DGKI: variants seen among roughly 807,000 people sequenced by gnomAD.
The protein encoded by DGKI is diacylglycerol kinase iota.
DGKI carries 55 observed loss-of-function variants against 147.5 expected under a neutral mutation model. The ratio of observed to expected loss-of-function variants is 0.37; its 90% CI spans 0.30 to 0.47. The LOEUF is 0.47. Among genes scored for constraint, DGKI ranks in the 20% least tolerant of loss-of-function variants. The pLI, the probability that DGKI is intolerant of heterozygous loss-of-function variation, is 1.00. For missense variants in DGKI, 1,007 were observed against 1,323.8 expected, an observed-to-expected ratio of 0.76 and a Z score of 3.71; for synonymous variants, 469 against 477.1, an observed-to-expected ratio of 0.98 and a Z score of 0.22.
chr7:137,427,449 G>C (rs1303588162), intron 28 of DGKI, among the ~76,000 whole-genome samples: 1 of 152,016 alleles, frequency 6.6e-6, no homozygotes, highest in Non-Finnish European at 1.5e-5. Context: ...GAGAAAGCAG[G>C]AAAGATCCAA....
Position 137,382,052 on chromosome 7 carries a change from G to A in DGKI, c.*9168C>T, listed in dbSNP as rs1287268272. On this transcript the variant is annotated 3_prime_UTR_variant, in exon 33 of 33. Coordinates refer to ENST00000614521, the MANE Select transcript of DGKI (RefSeq NM_001321708.2). ...ATCAGGAGCCATTTGGTTGCATATAGAAGGTACAACAAATATCAAGGCTAG... is the reference window on the plus strand; with the variant it reads ...ATCAGGAGCCATTTGGTTGCATATAAAAGGTACAACAAATATCAAGGCTAG... 1 of 152,030 alleles carries A rather than the reference G, an allele frequency of 6.6e-6. No homozygotes were observed. The highest frequency in any genetic ancestry group is 1.5e-5 in the Non-Finnish European group (1 of 67,976). 9.4% of individuals were successfully genotyped at this position (152,030 alleles called of 1,614,324 possible). A position where few individuals can be genotyped will look rare whatever the true frequency, so the allele number is the denominator to read the frequency against.
chr7:137,623,435 T>C (rs770431621), intron 7 of DGKI, 48 bp downstream of exon 7: 1 of 1,552,744 alleles, frequency 6.4e-7, no homozygotes, highest in South Asian at 1.1e-5. Flanking sequence ...CACAAGTGTA[T>C]TTCGACAAAA....
rs565189377 is a variant in DGKI, at chr7:137,567,893, T to C, written c.1947+3282A>G. On this transcript the variant is annotated intron_variant, in intron 19 of 32. Coordinates refer to ENST00000614521, the MANE Select transcript of DGKI (RefSeq NM_001321708.2). ...GCATATGATGTATATATGACATATATTGTATATACGTAATGTCTAGGATTT... is the reference window on the plus strand; with the variant it reads ...GCATATGATGTATATATGACATATACTGTATATACGTAATGTCTAGGATTT... Among the ~76,000 whole-genome samples the C allele has an allele frequency of 1.6e-4, 25 of 152,320 alleles. No homozygotes were observed. The East Asian group carries it at 4.0e-3, about 25-fold the overall frequency.
At chr7:137,516,018 TCAGA>T (rs1318810393) in intron 21 of DGKI, among the ~76,000 whole-genome samples, 1 of 152,078 alleles carries the variant, frequency 6.6e-6, no homozygotes, top group African/African-American at 2.4e-5. Flanking sequence ...ATTTAACTCC[TCAGA>T]CAGATTTCAA....
chr7:137,428,754 AAT>A (rs1812928916), intron 28 of DGKI, among the ~76,000 whole-genome samples: 1 of 152,142 alleles, frequency 6.6e-6, no homozygotes, highest in Admixed American at 6.5e-5. Context: ...CTTATACACC[AAT>A]GACAGACAAA....
chr7:137,673,280 C>T (rs979139629), intron 3 of DGKI, among the ~76,000 whole-genome samples: 1 of 152,134 alleles, frequency 6.6e-6, no homozygotes, highest in Non-Finnish European at 1.5e-5. Flanking sequence ...CCACTACACA[C>T]CAGGTGTGAG....
At chr7:137,508,752 T>C (rs561928542) in intron 21 of DGKI, among the ~76,000 whole-genome samples, 8 of 152,182 alleles carry the variant, frequency 5.3e-5, no homozygotes, top group African/African-American at 1.9e-4. Flanking sequence ...TCTCAGGCTC[T>C]GTGGGTGGGT....
At chr7:137,696,431 CTTTTTTTTTTTTTTTTTTT>C (rs10609322) in intron 1 of DGKI, among the ~76,000 whole-genome samples, 2 of 36,682 alleles carry the variant, frequency 5.5e-5, no homozygotes, top group East Asian at 1.1e-3. Flanking sequence ...GCCCAAAAGA[CTTTTTTTTTTTTTTTTTTT>C]TTTTTTTTTT....
chr7:137,447,977 C>T (rs562826046), intron 27 of DGKI, among the ~76,000 whole-genome samples: 1 of 152,238 alleles, frequency 6.6e-6, no homozygotes, highest in East Asian at 1.9e-4. Flanking sequence ...GAAATACCCT[C>T]TTTGATTAAA....
intron 1 of DGKI, among the ~76,000 whole-genome samples, chr7:137,757,570 G>T (rs113934642): frequency 1.1e-3 from 170 of 152,162 alleles, no homozygotes; most frequent in Non-Finnish European, 2.0e-3. Context: ...CTCCTGACCC[G>T]CTGGAAGGGA....
intron 27 of DGKI, among the ~76,000 whole-genome samples, chr7:137,447,235 AT>A (rs1356629037): frequency 6.6e-6 from 1 of 152,224 alleles, no homozygotes; most frequent in Non-Finnish European, 1.5e-5. Flanking sequence ...GACTCTCTCC[AT>A]TTATGTTGAT....
At chr7:137,561,564 T>G (rs564255508) in intron 19 of DGKI, among the ~76,000 whole-genome samples, 13 of 152,164 alleles carry the variant, frequency 8.5e-5, no homozygotes, top group Admixed American at 2.6e-4. Flanking sequence ...AGGAGGAGGA[T>G]ATTAAATGTT....
At chr7:137,638,637 T>TATATACAC (rs1821496899) in intron 6 of DGKI, among the ~76,000 whole-genome samples, 4 of 10,034 alleles carry the variant, frequency 4.0e-4, no homozygotes, top group Non-Finnish European at 6.8e-4. Context: ...TATGTGTGTA[T>TATATACAC]ATATGTGTAT....
chr7:137,835,139 ATT>A (rs2117084985), intron 1 of DGKI, among the ~76,000 whole-genome samples: 1 of 152,314 alleles, frequency 6.6e-6, no homozygotes, highest in East Asian at 1.9e-4. Context: ...ATACCATGTC[ATT>A]TCAATACCCT....
At chr7:137,548,553 C>T (rs1171471661) in intron 20 of DGKI, among the ~76,000 whole-genome samples, 1 of 152,142 alleles carries the variant, frequency 6.6e-6, no homozygotes, top group East Asian at 1.9e-4. Context: ...GCCAGCTCCC[C>T]ATTCACCTTC....
At chr7:137,632,969 T>C (rs972079446) in intron 6 of DGKI, among the ~76,000 whole-genome samples, 2 of 151,322 alleles carry the variant, frequency 1.3e-5, no homozygotes, top group Admixed American at 1.3e-4. Flanking sequence ...TCCCAGCACT[T>C]TGGGAGGCCG....
intron 2 of DGKI, among the ~76,000 whole-genome samples, chr7:137,684,264 ACAATT>A (rs1823338641): frequency 6.6e-6 from 1 of 152,374 alleles, no homozygotes; most frequent in African/African-American, 2.4e-5. Flanking sequence ...TTCTCTTTGA[ACAATT>A]CACAGCAGAT....
intron 28 of DGKI, among the ~76,000 whole-genome samples, chr7:137,435,461 A>G (rs1174901739): frequency 6.6e-6 from 1 of 152,128 alleles, no homozygotes; most frequent in Non-Finnish European, 1.5e-5. Flanking sequence ...AGGAGGTGAC[A>G]GAAAGCTTAT....
rs372094924 is a variant in DGKI at position 137,759,765 on chromosome 7, C to T, written c.402-69763G>A. Among the ~76,000 whole-genome samples, 48 of 152,262 alleles carry T rather than the reference C, an allele frequency of 3.2e-4. No individual in the cohort carries two copies. In the South Asian group the frequency reaches 8.3e-3, roughly 26 times the overall value. On this transcript the variant is annotated intron_variant, in intron 1 of 32. Transcript: ENST00000614521. ...AGGCCTAGGCTGGGTGAAGAGTTTA[C>T]ACCAAGATGAACTCATTCTCCCTTT...
Sources: allele counts gnomAD v4.1 joint callset (sites outside exome capture counted in the v4.1 genomes callset), GRCh38; gene constraint gnomAD v4.1.1; transcripts MANE v1.5; gene names NCBI Gene and HGNC (gene_info 2026-07-23, HGNC 2026-07-21).